The following GLIS3 variants were observed in gnomAD, a reference collection of about 807,000 sequenced individuals.
GLIS3 encodes zinc finger protein GLIS3.
In GLIS3, 53 loss-of-function variants were observed where a neutral mutation model predicts 78.6. That is an observed-to-expected ratio of 0.67 (90% CI 0.54 to 0.85). The LOEUF is 0.85. GLIS3 is among the 40% of genes least tolerant of loss of function. The pLI, the probability that GLIS3 is intolerant of heterozygous loss-of-function variation, is 0.00. For synonymous variants in GLIS3, 684 were observed against 509.9 expected, an observed-to-expected ratio of 1.34 and a Z score of -4.60; for missense variants, 1,703 against 1,231.1, an observed-to-expected ratio of 1.38 and a Z score of -5.74.
the GLIS3 span, among the ~76,000 whole-genome samples, chr9:4,370,616 T>C: frequency 6.0e-4 from 91 of 152,292 alleles, no homozygotes; most frequent in African/African-American, 2.0e-3. Flanking sequence ...GGAAGCTGCA[T>C]AATATCAGGA....
chr9:4,447,317 G>A, the GLIS3 span, among the ~76,000 whole-genome samples: 1 of 151,910 alleles, frequency 6.6e-6, no homozygotes, highest in Non-Finnish European at 1.5e-5. Flanking sequence ...AAAGTGCTAG[G>A]ATTGATCCAT....
At chr9:4,000,011 C>T (rs149505109) in intron 4 of GLIS3, among the ~76,000 whole-genome samples, 195 of 152,126 alleles carry the variant, frequency 1.3e-3, no homozygotes, top group African/African-American at 4.6e-3. Flanking sequence ...ACATATGCTT[C>T]CAGTAAACAA....
chr9:4,153,801 T>C (rs894450133), intron 2 of GLIS3, among the ~76,000 whole-genome samples: 6 of 152,238 alleles, frequency 3.9e-5, no homozygotes, highest in African/African-American at 1.2e-4. Flanking sequence ...GTTCTGATTA[T>C]CTACTGCTAC....
chr9:4,230,395 T>A (rs1008809652), intron 2 of GLIS3, among the ~76,000 whole-genome samples: 1 of 152,186 alleles, frequency 6.6e-6, no homozygotes, highest in African/African-American at 2.4e-5. Context: ...GAAGGGAGTC[T>A]GGCTCACTCC....
intron 2 of GLIS3, among the ~76,000 whole-genome samples, chr9:4,251,477 T>C (rs1331235471): frequency 6.7e-6 from 1 of 149,584 alleles, no homozygotes; most frequent in Non-Finnish European, 1.5e-5. Context: ...TATTCCTCCA[T>C]CCCTTTATTT....
At chr9:4,067,729 T>G (rs113876059) in intron 4 of GLIS3, among the ~76,000 whole-genome samples, 5 of 152,160 alleles carry the variant, frequency 3.3e-5, no homozygotes, top group Non-Finnish European at 7.3e-5. Context: ...AAGACATGAA[T>G]TGCAGATTAG....
At position 3,900,614 on chromosome 9, in the gene GLIS3, T is replaced by G. The variant is rs545637874; in HGVS notation, c.1984-1779A>C. On this transcript the variant is annotated intron_variant, in intron 6 of 10. Transcript: ENST00000381971. ...GGCTAATCAATGATTTTACCTCAAT[T>G]TGATGGACTATTATGCAACCATTAA... Among the ~76,000 whole-genome samples the G allele has an allele frequency of 2.6e-5, 4 of 152,280 alleles. No individual in the cohort carries two copies. The South Asian group carries it at 8.3e-4, about 32-fold the overall frequency.
chr9:4,349,461 T>A (rs932906979), upstream of GLIS3, among the ~76,000 whole-genome samples: 1 of 152,204 alleles, frequency 6.6e-6, no homozygotes. Flanking sequence ...TAGAGTCTAA[T>A]TGGTGTTGAG....
At chr9:4,212,146 A>G (rs1191993005) in intron 2 of GLIS3, among the ~76,000 whole-genome samples, 2 of 152,234 alleles carry the variant, frequency 1.3e-5, no homozygotes, top group African/African-American at 4.8e-5. Context: ...GAGTGGGTGA[A>G]TGATATATGT....
chr9:3,990,664 C>G (rs147179743), intron 4 of GLIS3, among the ~76,000 whole-genome samples: 1 of 152,212 alleles, frequency 6.6e-6, no homozygotes, highest in African/African-American at 2.4e-5. Flanking sequence ...TTGCCTTCTA[C>G]TATACAGAAG....
intron 3 of GLIS3, 77 bp downstream of exon 3, chr9:4,125,657 T>C (rs1320487356): frequency 1.0e-6 from 1 of 969,560 alleles, no homozygotes; most frequent in African/African-American, 1.6e-5. Flanking sequence ...TGTGTGTGTA[T>C]TCAGAAAGAG....
chr9:4,265,261 T>G (rs10974422), intron 2 of GLIS3, among the ~76,000 whole-genome samples: 22,316 of 151,918 alleles, frequency 0.15, 1,756 homozygotes, highest in African/African-American at 0.17. Context: ...TGGTTTACCA[T>G]CTGTGCTAAT....
At chr9:4,296,687 C>T (rs532389305) in intron 1 of GLIS3, among the ~76,000 whole-genome samples, 2 of 152,048 alleles carry the variant, frequency 1.3e-5, no homozygotes, top group Non-Finnish European at 2.9e-5. Context: ...TCTACTCATA[C>T]TCAAGGATTA....
chr9:4,364,829 G>A, the GLIS3 span, among the ~76,000 whole-genome samples: 1 of 129,348 alleles, frequency 7.7e-6, no homozygotes, highest in Non-Finnish European at 1.6e-5. Context: ...CTGAAGCACA[G>A]CGGCTATTCA....
chr9:4,374,640 C>G, the GLIS3 span, among the ~76,000 whole-genome samples: 1 of 152,224 alleles, frequency 6.6e-6, no homozygotes, highest in Non-Finnish European at 1.5e-5. Flanking sequence ...ATCAGGGCAT[C>G]TTGTCTTCTC....
At chr9:4,085,262 CTT>C (rs35008355) in intron 4 of GLIS3, among the ~76,000 whole-genome samples, 85 of 149,122 alleles carry the variant, frequency 5.7e-4, no homozygotes, top group Admixed American at 4.7e-3. Flanking sequence ...TCACTGATGG[CTT>C]TTTTTTTTTA....
intron 4 of GLIS3, among the ~76,000 whole-genome samples, chr9:3,971,872 C>G (rs1211660537): frequency 1.3e-5 from 2 of 152,142 alleles, no homozygotes; most frequent in Non-Finnish European, 2.9e-5. Context: ...CCATCTCACT[C>G]CAGGTCAGCA....
chr9:4,018,133 G>A (rs1179423117), intron 4 of GLIS3, among the ~76,000 whole-genome samples: 1 of 152,178 alleles, frequency 6.6e-6, no homozygotes, highest in Non-Finnish European at 1.5e-5. Context: ...CAATTATAAA[G>A]TCATCTGAAA....
chr9:4,107,935 T>A (rs1830898185), intron 4 of GLIS3, among the ~76,000 whole-genome samples: 1 of 152,176 alleles, frequency 6.6e-6, no homozygotes, highest in Non-Finnish European at 1.5e-5. Flanking sequence ...GTATCCATCA[T>A]CTAGCTTCAA....
Sources: allele counts gnomAD v4.1 joint callset (sites outside exome capture counted in the v4.1 genomes callset), GRCh38; gene constraint gnomAD v4.1.1; transcripts MANE v1.5; gene names NCBI Gene and HGNC (gene_info 2026-07-23, HGNC 2026-07-21).